Variants in FHIT observed in about 807,000 individuals in gnomAD.
FHIT encodes bis(5'-adenosyl)-triphosphatase.
FHIT carries 19 observed loss-of-function variants against 17.9 expected under a neutral mutation model. The ratio of observed to expected loss-of-function variants is 1.06; its 90% confidence interval spans 0.74 to 1.56. The LOEUF (loss-of-function observed/expected upper bound fraction) is 1.56, where lower values mean the gene tolerates loss of function less well. Among genes scored for constraint, FHIT ranks in the 40% most tolerant of loss-of-function variants. The pLI is 0.00. For missense variants in FHIT, 248 were observed against 189.2 expected, an observed-to-expected ratio of 1.31 and a Z score of -1.82; for synonymous variants, 81 against 69.7, an observed-to-expected ratio of 1.16 and a Z score of -0.81.
intron 1 of FHIT, among the ~76,000 whole-genome samples, chr3:61,211,785 G>T (rs1024961889): frequency 2.0e-5 from 3 of 152,192 alleles, no homozygotes; most frequent in Non-Finnish European, 4.4e-5. Context: ...ACCTCACACG[G>T]CCGGGTACTC....
chr3:61,048,062 T>C (rs1038016806), intron 2 of FHIT, among the ~76,000 whole-genome samples: 16 of 151,618 alleles, frequency 1.1e-4, no homozygotes, highest in African/African-American at 3.9e-4. Flanking sequence ...GACATAGGCA[T>C]GGGCAAGGAC....
chr3:59,906,687 A>G (rs1279149349), intron 8 of FHIT, among the ~76,000 whole-genome samples: 1 of 152,200 alleles, frequency 6.6e-6, no homozygotes, highest in Non-Finnish European at 1.5e-5. Context: ...ATCCATAAAA[A>G]ATTTCCAAAG....
intron 4 of FHIT, among the ~76,000 whole-genome samples, chr3:60,586,629 T>C (rs782209485): frequency 4.6e-5 from 7 of 151,882 alleles, no homozygotes; most frequent in Non-Finnish European, 8.8e-5. Context: ...AAGAAAATGT[T>C]GTATATATAC....
chr3:60,084,798 G>A (rs952031747), intron 5 of FHIT, among the ~76,000 whole-genome samples: 8 of 152,012 alleles, frequency 5.3e-5, no homozygotes, highest in Admixed American at 3.9e-4. Flanking sequence ...GAAATTCAAT[G>A]AAACAAGGCA....
At chr3:60,484,104 G>C (rs1419160059) in intron 5 of FHIT, among the ~76,000 whole-genome samples, 1 of 151,930 alleles carries the variant, frequency 6.6e-6, no homozygotes, top group African/African-American at 2.4e-5. Flanking sequence ...TAAATACCTA[G>C]GAAAACAGCT....
intron 8 of FHIT, among the ~76,000 whole-genome samples, chr3:59,799,676 C>T (rs2106969238): frequency 1.3e-5 from 2 of 152,228 alleles, no homozygotes; most frequent in South Asian, 4.2e-4. Flanking sequence ...CCCTTTCTTC[C>T]ATTTATTTCA....
At chr3:60,356,981 T>C (rs943530030) in intron 5 of FHIT, among the ~76,000 whole-genome samples, 4 of 152,204 alleles carry the variant, frequency 2.6e-5, no homozygotes, top group Admixed American at 6.5e-5. Context: ...ATTCAACCAA[T>C]GAAGCTCTTA....
intron 4 of FHIT, chr3:60,596,077 G>A: frequency 3.5e-6 from 1 of 286,164 alleles, no homozygotes; most frequent in Non-Finnish European, 5.2e-6. Flanking sequence ...CATTATTATT[G>A]CTCTATTAAT....
chr3:60,732,085 G>A (rs1201475864), intron 4 of FHIT: 1 of 603,140 alleles, frequency 1.7e-6, no homozygotes, highest in Non-Finnish European at 3.0e-6. Flanking sequence ...GGGTGGAGGG[G>A]TAGTCTCCTG....
chr3:60,402,158 A>G (rs1576601229), intron 5 of FHIT, among the ~76,000 whole-genome samples: 1 of 152,336 alleles, frequency 6.6e-6, no homozygotes, highest in East Asian at 1.9e-4. Flanking sequence ...AGAGAAAAAA[A>G]GAAAATCTCA....
intron 7 of FHIT, among the ~76,000 whole-genome samples, chr3:59,962,291 T>C (rs1707722924): frequency 6.6e-6 from 1 of 152,216 alleles, no homozygotes; most frequent in Non-Finnish European, 1.5e-5. Flanking sequence ...ATGGGGCTCT[T>C]GGAAAATACT....
chr3:60,882,000 AAACT>A (rs1553758069), intron 3 of FHIT, among the ~76,000 whole-genome samples: 1 of 152,026 alleles, frequency 6.6e-6, no homozygotes, highest in Non-Finnish European at 1.5e-5. Context: ...ACCACGAGCT[AAACT>A]AACCAAGAAA....
intron 3 of FHIT, among the ~76,000 whole-genome samples, chr3:60,947,395 T>C (rs1281687369): frequency 6.6e-6 from 1 of 152,190 alleles, no homozygotes; most frequent in Non-Finnish European, 1.5e-5. Flanking sequence ...AAGTGTCCCT[T>C]CCCTCCAAAG....
intron 8 of FHIT, among the ~76,000 whole-genome samples, chr3:59,852,366 T>C (rs1701976354): frequency 6.6e-6 from 1 of 152,168 alleles, no homozygotes; most frequent in Non-Finnish European, 1.5e-5. Context: ...TTTAAAACAG[T>C]AAAGACTTTA....
chr3:60,139,469 GA>G (rs536726468), intron 5 of FHIT, among the ~76,000 whole-genome samples: 32 of 152,276 alleles, frequency 2.1e-4, no homozygotes, highest in African/African-American at 7.7e-4. Context: ...AAGGCCAGAT[GA>G]TGAAAAGTCT....
At chr3:60,089,953 T>C (rs544991411) in intron 5 of FHIT, among the ~76,000 whole-genome samples, 68 of 152,170 alleles carry the variant, frequency 4.5e-4, no homozygotes, top group Non-Finnish European at 9.3e-4. Flanking sequence ...TTAAAATGAA[T>C]GGAACAACAA....
chr3:59,876,667 C>A (rs937653514), intron 8 of FHIT, among the ~76,000 whole-genome samples: 1 of 152,198 alleles, frequency 6.6e-6, no homozygotes, highest in Non-Finnish European at 1.5e-5. Flanking sequence ...ACACCTCCTG[C>A]CACTAAGGGG....
chr3:60,940,582 G>A (rs1708369161), intron 3 of FHIT, among the ~76,000 whole-genome samples: 1 of 152,116 alleles, frequency 6.6e-6, no homozygotes, highest in Non-Finnish European at 1.5e-5. Context: ...AGGGTTATAT[G>A]ATAATGTCTG....
chr3:61,232,281 G>A (rs1244175206), intron 1 of FHIT, among the ~76,000 whole-genome samples: 1 of 152,180 alleles, frequency 6.6e-6, no homozygotes, highest in African/African-American at 2.4e-5. Flanking sequence ...CAGCTTCTTG[G>A]GAGGCTGAGG....
Sources: allele counts gnomAD v4.1 joint callset (sites outside exome capture counted in the v4.1 genomes callset), GRCh38; gene constraint gnomAD v4.1.1; transcripts MANE v1.5; gene names NCBI Gene and HGNC (gene_info 2026-07-23, HGNC 2026-07-21).